CACNA1E: variants seen among roughly 807,000 people sequenced by gnomAD.
The protein encoded by CACNA1E is calcium voltage-gated channel subunit alpha1 E.
A neutral mutation model predicts 259.2 loss-of-function variants in CACNA1E; 40 were observed. The observed-to-expected ratio is 0.15, with a 90% CI of 0.12 to 0.20. The LOEUF (loss-of-function observed/expected upper bound fraction) is 0.20. Ranked by LOEUF, CACNA1E falls within the 10% of genes least tolerant of loss-of-function variation. CACNA1E has a pLI of 1.00. For synonymous variants in CACNA1E, 1,104 were observed against 1,138.5 expected (o/e 0.97, Z 0.61); for missense variants, 1,874 against 3,040.1 (o/e 0.62, Z 9.02).
intron 1 of CACNA1E, among the ~76,000 whole-genome samples, chr1:181,353,944 G>A (rs1018374860): frequency 5.3e-5 from 8 of 152,174 alleles, no homozygotes; most frequent in African/African-American, 1.9e-4. Context: ...TACCTGTATT[G>A]CCATACTGGG....
intron 35 of CACNA1E, 63 bp downstream of exon 35, chr1:181,766,674 C>A: frequency 8.1e-7 from 1 of 1,238,212 alleles, no homozygotes; most frequent in Non-Finnish European, 1.2e-6. Flanking sequence ...TCTGGCTTAG[C>A]AACCTAAGCA....
intron 34 of CACNA1E, among the ~76,000 whole-genome samples, chr1:181,764,944 T>G (rs959552874): frequency 6.6e-6 from 1 of 152,196 alleles, no homozygotes; most frequent in African/African-American, 2.4e-5. Flanking sequence ...ATGGTTGGCT[T>G]ATTCCAGCAA....
chr1:181,580,088 A>T (rs531657649), intron 5 of CACNA1E, among the ~76,000 whole-genome samples: 61 of 152,318 alleles, frequency 4.0e-4, no homozygotes, highest in African/African-American at 1.4e-3. Context: ...CCTTAAAAGA[A>T]CACTTTCCAC....
chr1:181,769,351 G>GAA (rs10707692), intron 35 of CACNA1E, among the ~76,000 whole-genome samples: 2,645 of 134,670 alleles, frequency 0.02, 30 homozygotes, highest in Non-Finnish European at 0.028. Flanking sequence ...GTGAAAAGTT[G>GAA]AAAAAAAAAA....
At chr1:181,635,147 C>T (rs1657095408) in intron 6 of CACNA1E, among the ~76,000 whole-genome samples, 1 of 152,198 alleles carries the variant, frequency 6.6e-6, no homozygotes, top group African/African-American at 2.4e-5. Flanking sequence ...CCTACTGGGG[C>T]CAGAGCCCAA....
At chr1:181,632,110 C>T (rs1656803795) in intron 6 of CACNA1E, among the ~76,000 whole-genome samples, 1 of 137,716 alleles carries the variant, frequency 7.3e-6, no homozygotes, top group Non-Finnish European at 1.6e-5. Context: ...TAAGCTGATG[C>T]AATATTGGCA....
intron 1 of CACNA1E, among the ~76,000 whole-genome samples, chr1:181,408,983 T>C (rs1443934511): frequency 6.6e-6 from 1 of 152,028 alleles, no homozygotes; most frequent in Non-Finnish European, 1.5e-5. Flanking sequence ...ATTTCCTATT[T>C]TTGCCAGGTT....
At chr1:181,590,911 A>G (rs1245282395) in intron 6 of CACNA1E, among the ~76,000 whole-genome samples, 1 of 152,186 alleles carries the variant, frequency 6.6e-6, no homozygotes, top group Non-Finnish European at 1.5e-5. Context: ...TCTTTTAACT[A>G]CCACATTTTC....
chr1:181,539,395 TAATG>T (rs1319008097), intron 3 of CACNA1E, among the ~76,000 whole-genome samples: 1 of 151,920 alleles, frequency 6.6e-6, no homozygotes, highest in African/African-American at 2.4e-5. Flanking sequence ...ATTAATGAAT[TAATG>T]AATGAATGAA....
chr1:181,384,185 G>A (rs1206176074), intron 1 of CACNA1E, among the ~76,000 whole-genome samples: 2 of 152,164 alleles, frequency 1.3e-5, no homozygotes, highest in East Asian at 1.9e-4. Flanking sequence ...CCTGCACTGC[G>A]CAGTGAAGTA....
chr1:181,616,573 G>A (rs1032586038), intron 6 of CACNA1E, among the ~76,000 whole-genome samples: 20 of 152,108 alleles, frequency 1.3e-4, no homozygotes, highest in African/African-American at 4.3e-4. Flanking sequence ...AATTAGCTGG[G>A]TGTGGTGGTG....
chr1:181,656,275 T>C (rs1049537092), intron 7 of CACNA1E, among the ~76,000 whole-genome samples: 1 of 152,196 alleles, frequency 6.6e-6, no homozygotes, highest in Admixed American at 6.5e-5. Context: ...CTGTGTGTTA[T>C]TGCTCCTGAA....
intron 7 of CACNA1E, among the ~76,000 whole-genome samples, chr1:181,708,238 C>T (rs138052015): frequency 4.8e-4 from 73 of 152,238 alleles, no homozygotes; most frequent in African/African-American, 1.6e-3. Context: ...AGACTTTGAA[C>T]GTCACGCTTG....
chr1:181,321,632 T>C (rs886446124), intron 1 of CACNA1E, among the ~76,000 whole-genome samples: 1 of 152,128 alleles, frequency 6.6e-6, no homozygotes, highest in African/African-American at 2.4e-5. Context: ...CTCTCTATCA[T>C]AAAGGCAAAA....
intron 1 of CACNA1E, among the ~76,000 whole-genome samples, chr1:181,496,627 G>C (rs983202033): frequency 5.3e-5 from 8 of 152,160 alleles, no homozygotes; most frequent in Non-Finnish European, 7.4e-5. Context: ...CATTGCTTGG[G>C]ACTCTTGGAA....
chr1:181,398,474 G>A (rs1472203811), intron 1 of CACNA1E, among the ~76,000 whole-genome samples: 1 of 152,198 alleles, frequency 6.6e-6, no homozygotes, highest in Admixed American at 6.5e-5. Flanking sequence ...TTACAGATGA[G>A]AAAACTGAGG....
chr1:181,808,054 A>G lies in CACNA1E; in HGVS notation c.*9220A>G, dbSNP rs1247468074. ...CAGTTTTCCACAGGCTAATGGCACTATGAAACAGATATAAAGAAAAATAGA... is the reference window on the plus strand; with the variant it reads ...CAGTTTTCCACAGGCTAATGGCACTGTGAAACAGATATAAAGAAAAATAGA... On this transcript the variant is annotated 3_prime_UTR_variant, in exon 48 of 48. Transcript: ENST00000367573. 6.6e-6 allele frequency: 1 copy of G among 152,210 alleles called. No homozygotes were observed. The highest frequency in any genetic ancestry group is 1.9e-4 in the East Asian group (1 of 5,200). The allele number at this position is 152,210 out of a possible 1,614,324, so 9.4% of individuals were successfully genotyped here. A position where few individuals can be genotyped will look rare whatever the true frequency, so the allele number is the denominator to read the frequency against.
At chr1:181,756,836 T>C in intron 29 of CACNA1E, 89 bp from the exon 30 acceptor site, 1 of 889,246 alleles carries the variant, frequency 1.1e-6, no homozygotes, top group Admixed American at 2.0e-5. Flanking sequence ...GTCAAAGAAG[T>C]CAGATAAAAA....
chr1:181,727,476 G>A (rs939706143), intron 18 of CACNA1E, among the ~76,000 whole-genome samples: 6 of 152,364 alleles, frequency 3.9e-5, no homozygotes, highest in Admixed American at 1.3e-4. Flanking sequence ...AGCCATTTTC[G>A]TGGCCAGGTT....
Sources: allele counts gnomAD v4.1 joint callset (sites outside exome capture counted in the v4.1 genomes callset), GRCh38; gene constraint gnomAD v4.1.1; transcripts MANE v1.5; gene names NCBI Gene and HGNC (gene_info 2026-07-23, HGNC 2026-07-21).